Variants in ANXA4 observed in about 807,000 individuals in gnomAD.
ANXA4 encodes 35-beta calcimedin.
A neutral mutation model predicts 49.8 loss-of-function variants in ANXA4; 39 were observed. The ratio of observed to expected loss-of-function variants is 0.78; its 90% CI spans 0.61 to 1.02. The LOEUF (loss-of-function observed/expected upper bound fraction) is 1.02. ANXA4 is among the 50% of genes least tolerant of loss of function. The pLI, the probability that ANXA4 is intolerant of heterozygous loss-of-function variation, is 0.00. For synonymous variants in ANXA4, 134 were observed against 152.5 expected (o/e 0.88, Z 0.89); for missense variants, 360 against 410.1 (o/e 0.88, Z 1.05).
intron 1 of ANXA4, among the ~76,000 whole-genome samples, chr2:69,652,111 C>T (rs1031450657): frequency 1.3e-5 from 2 of 152,094 alleles, no homozygotes; most frequent in African/African-American, 4.8e-5. Context: ...CTCCCAGGTT[C>T]AACAGATTCT....
chr2:69,764,916 T>C (rs1228966119), intron 1 of ANXA4, among the ~76,000 whole-genome samples: 2 of 152,230 alleles, frequency 1.3e-5, no homozygotes, highest in Non-Finnish European at 2.9e-5. Context: ...TTTGAGTACA[T>C]ATAAGTGGAT....
At chr2:69,708,327 C>G (rs1206965253) in intron 2 of ANXA4, among the ~76,000 whole-genome samples, 1 of 152,202 alleles carries the variant, frequency 6.6e-6, no homozygotes, top group East Asian at 1.9e-4. Flanking sequence ...TTCCGCAACT[C>G]TCTACGGACA....
chr2:69,686,883 G>C (rs919566549), intron 2 of ANXA4, among the ~76,000 whole-genome samples: 3 of 152,236 alleles, frequency 2.0e-5, no homozygotes, highest in Non-Finnish European at 4.4e-5. Flanking sequence ...GCAGTCACTG[G>C]TAGAAGGGAG....
intron 1 of ANXA4, among the ~76,000 whole-genome samples, chr2:69,757,958 C>CAAAAA (rs11296004): frequency 1.1e-5 from 1 of 95,136 alleles, no homozygotes; most frequent in Non-Finnish European, 2.1e-5. Context: ...GACTTTGTCT[C>CAAAAA]AAAAAAAAAA....
At chr2:69,772,005 A>G (rs547303448) in intron 1 of ANXA4, among the ~76,000 whole-genome samples, 1 of 152,340 alleles carries the variant, frequency 6.6e-6, no homozygotes, top group East Asian at 1.9e-4. Flanking sequence ...CTAGTCGTAG[A>G]GTTCAGATAC....
intron 11 of ANXA4, among the ~76,000 whole-genome samples, chr2:69,820,344 G>A (rs553768463): frequency 1.1e-4 from 16 of 151,936 alleles, no homozygotes; most frequent in African/African-American, 3.6e-4. Flanking sequence ...TTTTACATCA[G>A]AGGATTTCAT....
chr2:69,783,812 C>T (rs1672300205), intron 2 of ANXA4, among the ~76,000 whole-genome samples: 1 of 152,176 alleles, frequency 6.6e-6, no homozygotes, highest in African/African-American at 2.4e-5. Context: ...TGAGTGTTAT[C>T]ATAAGTTAGT....
intron 2 of ANXA4, among the ~76,000 whole-genome samples, chr2:69,708,585 T>A (rs1678577866): frequency 6.6e-6 from 1 of 152,182 alleles, no homozygotes; most frequent in Non-Finnish European, 1.5e-5. Flanking sequence ...TGGTTTTTTT[T>A]ATCGGGGAGA....
chr2:69,712,079 C>G (rs186480322), intron 2 of ANXA4, among the ~76,000 whole-genome samples: 1 of 152,104 alleles, frequency 6.6e-6, no homozygotes, highest in Admixed American at 6.6e-5. Flanking sequence ...GGGTCTTAGA[C>G]ACCATGTGTA....
rs780113724 is a variant in ANXA4 at position 69,656,297 on chromosome 2, A to G, written n.766+3015A>G. ...TATACGTATATATATACATATATGT[A>G]TATATATGTATATATGTATATATAT... On this transcript the variant is annotated intron_variant and non_coding_transcript_variant, in intron 2 of 3. Coordinates refer to the ANXA4 transcript ENST00000418066. Among the ~76,000 whole-genome samples, 116 of 92,518 alleles carry G rather than the reference A, an allele frequency of 1.3e-3. 1 individual carries two copies. The highest frequency in any genetic ancestry group is 2.4e-3 in the Admixed American group (18 of 7,588). The allele number at this position is 92,518 out of a possible 152,430, so 60.7% of individuals were successfully genotyped here.
chr2:69,818,687 G>C lies in ANXA4; in HGVS notation c.717G>C (p.Leu239=). 6.2e-7 allele frequency: 1 copy of C among 1,604,892 alleles called. No homozygotes were observed. The highest frequency in any genetic ancestry group is 8.5e-7 in the Non-Finnish European group (1 of 1,173,824). ...CTGGTAGCTTTGAAGATGCTCTGCT[G>C]GCTATAGGTAAGCTGGTAGGGGGAG... is the stretch of plus-strand genomic sequence containing the variant. ...ETSGSFEDAL[L]AIVKCMRNKS... Residue 239 remains leucine, a synonymous_variant, in exon 10 of 13, where the codon CTG becomes CTC. Transcript: ENST00000394295.
At chr2:69,766,053 A>G (rs1282284911) in intron 1 of ANXA4, among the ~76,000 whole-genome samples, 2 of 152,236 alleles carry the variant, frequency 1.3e-5, no homozygotes, top group African/African-American at 2.4e-5. Context: ...CTGCCTTAGA[A>G]TTCATACAAC....
chr2:69,658,193 T>C (rs1676577476), intron 2 of ANXA4, among the ~76,000 whole-genome samples: 1 of 150,614 alleles, frequency 6.6e-6, no homozygotes, highest in South Asian at 2.1e-4. Flanking sequence ...AGCCTGGGAG[T>C]TAGAGACCAG....
intron 1 of ANXA4, among the ~76,000 whole-genome samples, chr2:69,743,962 A>C (rs1573180145): frequency 6.6e-6 from 1 of 152,052 alleles, no homozygotes; most frequent in African/African-American, 2.4e-5. Context: ...ATGTCCAGCC[A>C]CTCATTTGTT....
chr2:69,690,593 T>C (rs1677931712), intron 2 of ANXA4, among the ~76,000 whole-genome samples: 1 of 152,194 alleles, frequency 6.6e-6, no homozygotes, highest in Non-Finnish European at 1.5e-5. Flanking sequence ...CCTACACACT[T>C]ACCCCTGGGA....
intron 2 of ANXA4, among the ~76,000 whole-genome samples, chr2:69,787,447 G>A (rs1241504089): frequency 1.3e-5 from 2 of 152,192 alleles, no homozygotes; most frequent in Admixed American, 6.5e-5. Context: ...GGATTTTGCT[G>A]ACTGCAACCC....
At chr2:69,680,767 G>A (rs1388221978) in intron 2 of ANXA4, among the ~76,000 whole-genome samples, 1 of 152,124 alleles carries the variant, frequency 6.6e-6, no homozygotes, top group Non-Finnish European at 1.5e-5. Flanking sequence ...TGATCATATA[G>A]TTTTTGTCCT....
At chr2:69,715,476 G>A (rs1678850448) in intron 2 of ANXA4, among the ~76,000 whole-genome samples, 2 of 152,188 alleles carry the variant, frequency 1.3e-5, no homozygotes, top group African/African-American at 4.8e-5. Context: ...CCAAAGTGCT[G>A]GGATTACAGG....
intron 2 of ANXA4, among the ~76,000 whole-genome samples, chr2:69,657,651 A>T (rs1004908813): frequency 6.6e-6 from 1 of 152,194 alleles, no homozygotes; most frequent in African/African-American, 2.4e-5. Context: ...CTACAACAAC[A>T]TATGGATATA....
Sources: allele counts gnomAD v4.1 joint callset (sites outside exome capture counted in the v4.1 genomes callset), GRCh38; gene constraint gnomAD v4.1.1; transcripts MANE v1.5; gene names NCBI Gene and HGNC (gene_info 2026-07-23, HGNC 2026-07-21).